ZBTB34: variants seen among roughly 807,000 people sequenced by gnomAD.
ZBTB34 encodes zinc finger and BTB domain-containing protein 34.
ZBTB34 carries 1 observed loss-of-function variant against 33.4 expected under a neutral mutation model. That is an observed-to-expected ratio of 0.03 (90% CI 0.01 to 0.14). The LOEUF (loss-of-function observed/expected upper bound fraction) is 0.14, where lower values mean the gene tolerates loss of function less well. Among genes scored for constraint, ZBTB34 ranks in the 10% least tolerant of loss-of-function variants. The probability of loss-of-function intolerance (pLI) is 1.00; values close to 1 mark genes in which losing one functional copy is unlikely to be tolerated. For missense variants in ZBTB34, 406 were observed against 657.2 expected (o/e 0.62, Z 4.18); for synonymous variants, 283 against 253.5 (o/e 1.12, Z -1.11).
chr9:126,871,612 A>G (rs1231789757), intron 1 of ZBTB34, among the ~76,000 whole-genome samples: 19 of 151,740 alleles, frequency 1.3e-4, no homozygotes, highest in Admixed American at 1.2e-3. Context: ...TTACAGGCGG[A>G]AAGATTTTAA....
In ZBTB34 at chr9:126,868,437, C is replaced by T. The variant is rs144603405; in HGVS notation, c.-11+7698C>T. On this transcript the variant is annotated intron_variant, in intron 1 of 1. Transcript: ENST00000319119. ...GAGGAGTGTCCCAGGATGGCTCGTG[C>T]GGTCATTTCCAGGCAGTGCCGCTCT... Among the ~76,000 whole-genome samples, 795 of 152,218 alleles carry T rather than the reference C, an allele frequency of 5.2e-3. 4 individuals are homozygous for T. Among genetic ancestry groups the T allele is most frequent in the African/African-American group, 0.017 (724 of 41,526 alleles).
intron 1 of ZBTB34, among the ~76,000 whole-genome samples, chr9:126,862,890 C>G (rs923715791): frequency 9.8e-5 from 14 of 143,522 alleles, no homozygotes; most frequent in African/African-American, 3.4e-4. Flanking sequence ...TGGTAAACAA[C>G]TTTTTGTTTT....
chr9:126,879,643 A>T lies in ZBTB34; in HGVS notation c.244A>T (p.Asn82Tyr), dbSNP rs2033407008. 1 of 1,613,690 alleles carries T rather than the reference A, an allele frequency of 6.2e-7. No homozygotes were observed. Among genetic ancestry groups the T allele is most frequent in the Non-Finnish European group, 8.5e-7 (1 of 1,179,864 alleles). ...GTCAATATCAGTGATTAAAAATCCC[A>T]ATGTGTTTGAGCAGTTGCTTTCTTT... Residue 82 changes from asparagine (N) to tyrosine (Y), a missense_variant, in exon 2 of 2, where the codon AAT becomes TAT. Asn to Tyr is a moderately radical substitution (Grantham distance 143). Around this residue, in one of 6 missense-constraint regions of ZBTB34, gnomAD observed 50 missense variants for 157.9 expected, o/e 0.32. Transcript: ENST00000319119. This position sits in a 1 kb window ranked among gnomAD's most constrained non-coding sequence, Gnocchi z 6.4.
At position 126,873,594 on chromosome 9, in the gene ZBTB34, G is replaced by A. The variant is rs115147180; in HGVS notation, c.-10-5796G>A. ...TTGATGTTTGTTTACTGATGAAGTT[G>A]TTAAGCATTTTTTTTCTTTTCTTTT... On this transcript the variant is annotated intron_variant, in intron 1 of 1. Coordinates refer to ENST00000319119, the Ensembl canonical transcript of ZBTB34. 3.6e-3 allele frequency among the ~76,000 whole-genome samples: 539 copies of A among 151,812 alleles called. 5 individuals carry two copies. The highest frequency in any genetic ancestry group is 0.012 in the African/African-American group (511 of 41,408).
chr9:126,876,139 CTT>C (rs35897421), intron 1 of ZBTB34, among the ~76,000 whole-genome samples: 137 of 65,972 alleles, frequency 2.1e-3, no homozygotes, highest in Non-Finnish European at 2.5e-3. Context: ...ATCATGTTTC[CTT>C]TTTTTTTTTT....
upstream of ZBTB34, chr9:126,860,662 C>G (rs555359087): frequency 1.4e-5 from 2 of 148,104 alleles, no homozygotes; most frequent in Admixed American, 6.7e-5. Context: ...GCAGCCGGAG[C>G]GGCGGGGACT....
intron 1 of ZBTB34, among the ~76,000 whole-genome samples, chr9:126,867,070 T>A (rs999940528): frequency 6.6e-6 from 1 of 152,024 alleles, no homozygotes; most frequent in Non-Finnish European, 1.5e-5. Flanking sequence ...TCTTAATAGC[T>A]GCGTAGTATT....
intron 1 of ZBTB34, among the ~76,000 whole-genome samples, chr9:126,862,970 G>A (rs1431342182): frequency 6.6e-6 from 1 of 151,192 alleles, no homozygotes; most frequent in Non-Finnish European, 1.5e-5. Context: ...TCATAGATAA[G>A]TGATATGTAA....
chr9:126,879,520 C>T lies in ZBTB34; in HGVS notation c.121C>T (p.His41Tyr). 1 of 1,613,914 alleles carries T rather than the reference C, an allele frequency of 6.2e-7. No homozygotes were observed. Among genetic ancestry groups the T allele is most frequent in the Non-Finnish European group, 8.5e-7 (1 of 1,179,890 alleles). The change falls in exon 2 of 2, where the codon CAC (histidine) becomes TAC (tyrosine). Residue 41 changes from histidine (H) to tyrosine (Y), a missense_variant. This residue lies in a region of ZBTB34 where 50 missense variants were observed against 157.9 expected (regional missense o/e 0.32). Coordinates refer to ENST00000319119, the Ensembl canonical transcript of ZBTB34. This position sits in a 1 kb window ranked among gnomAD's most constrained non-coding sequence, Gnocchi z 6.4. ...GGGGAAACTATGTGACATCATTGTA[C>T]ACATTCAGGGTCAGCCATTCCGAGC...
chr9:126,884,070 AAATC>A (rs1356990394), exon 2 of ZBTB34: 1 of 167,116 alleles, frequency 6.0e-6, no homozygotes, highest in Non-Finnish European at 1.5e-5. Flanking sequence ...ACAGATGCAG[AAATC>A]AATTAAGATA....
exon 2 of ZBTB34, chr9:126,881,893 C>T (rs1011644128): frequency 1.8e-5 from 3 of 166,900 alleles, no homozygotes; most frequent in Non-Finnish European, 2.9e-5. Context: ...AGTACTCACT[C>T]GCACTTAAGG....
chr9:126,880,695 C>T lies in ZBTB34; in HGVS notation c.1296C>T (p.Phe432=), dbSNP rs1486663907. The change falls in exon 2 of 2, where the codon TTC becomes TTT. Residue 432 remains phenylalanine, a synonymous_variant. Coordinates refer to ENST00000319119, the Ensembl canonical transcript of ZBTB34. The surrounding 1 kb of genome is among the most constrained non-coding windows in gnomAD (Gnocchi z 6.7). ...GGGGCCATACAGATGATAAACCATT[C>T]CGCTGTGAGATCTGCGGGAAGTGCT... 6.2e-7 allele frequency: 1 copy of T among 1,613,796 alleles called. No individual in the cohort carries two copies. The highest frequency in any genetic ancestry group is 2.2e-5 in the East Asian group (1 of 44,884).
chr9:126,881,598 A>G (rs1238862839), exon 2 of ZBTB34: 5 of 167,082 alleles, frequency 3.0e-5, no homozygotes, highest in Admixed American at 2.6e-4. Context: ...CAAGCAAAGC[A>G]AATCACAGTG....
In ZBTB34 at chr9:126,880,221, G is replaced by T. The variant is rs771705443; in HGVS notation, c.822G>T (p.Val274=). The change falls in exon 2 of 2, where the codon GTG becomes GTT. Residue 274 remains valine (V), a synonymous_variant. Transcript: ENST00000319119. This position sits in a 1 kb window ranked among gnomAD's most constrained non-coding sequence, Gnocchi z 6.7. ...TTGATGGGGAACAAGTTGTGGCAGT[G>T]AATGTGGGCTCCTATGGTTCTGTGC... The T allele has an allele frequency of 6.2e-7, 1 of 1,613,886 alleles. No homozygotes were observed. Among genetic ancestry groups the T allele is most frequent in the Non-Finnish European group, 8.5e-7 (1 of 1,179,908 alleles).
intron 1 of ZBTB34, among the ~76,000 whole-genome samples, chr9:126,875,128 C>T (rs1588389476): frequency 6.6e-6 from 1 of 152,214 alleles, no homozygotes; most frequent in East Asian, 1.9e-4. Flanking sequence ...TTAGTCCAAA[C>T]CGAGCCATGC....
chr9:126,871,426 G>A (rs997133688), intron 1 of ZBTB34, among the ~76,000 whole-genome samples: 1 of 149,188 alleles, frequency 6.7e-6, no homozygotes, highest in East Asian at 2.0e-4. Flanking sequence ...GCAGTGGCGC[G>A]ATCTCGGCTC....
chr9:126,861,809 T>C (rs899969486), intron 1 of ZBTB34, among the ~76,000 whole-genome samples: 13 of 152,220 alleles, frequency 8.5e-5, no homozygotes, highest in Non-Finnish European at 1.3e-4. Context: ...TTGCTTCACA[T>C]CTGGATTATT....
chr9:126,863,477 G>A (rs939265585), intron 1 of ZBTB34, among the ~76,000 whole-genome samples: 1 of 152,160 alleles, frequency 6.6e-6, no homozygotes, highest in Non-Finnish European at 1.5e-5. Context: ...TGTCTAAAAT[G>A]TCAGTACCAT....
Position 126,880,464 on chromosome 9 carries a change from G to A in ZBTB34, c.1065G>A (p.Gly355=). The A allele has an allele frequency of 1.9e-6, 3 of 1,613,818 alleles. No homozygotes were observed. Among genetic ancestry groups the A allele is most frequent in the Non-Finnish European group, 2.5e-6 (3 of 1,179,880 alleles). Residue 355 remains glycine, a synonymous_variant, in exon 2 of 2, where the codon GGG becomes GGA. Transcript: ENST00000319119. This position sits in a 1 kb window ranked among gnomAD's most constrained non-coding sequence, Gnocchi z 6.7. ...GTGAAGCCATGATGAACAACCCCGG[G>A]TATGAGAGCAGTCCCCGGGAGAGGA...
Sources: allele counts gnomAD v4.1 joint callset (sites outside exome capture counted in the v4.1 genomes callset), GRCh38; gene constraint gnomAD v4.1.1; regional missense constraint gnomAD v4.1.1; non-coding constraint Gnocchi (gnomAD v3.1); transcripts MANE v1.5; gene names NCBI Gene and HGNC (gene_info 2026-07-23, HGNC 2026-07-21).